Variants in GRIN2A observed in about 807,000 individuals in gnomAD.
GRIN2A encodes glutamate ionotropic receptor NMDA type subunit 2A, also known as glutamate receptor ionotropic, NMDA 2A.
Under a neutral mutation model 113.4 loss-of-function variants are expected in GRIN2A, and 22 were observed. The ratio of observed to expected loss-of-function variants is 0.19; its 90% CI spans 0.14 to 0.28. The LOEUF (loss-of-function observed/expected upper bound fraction) is 0.28. GRIN2A is among the 10% of genes least tolerant of loss of function. The probability of loss-of-function intolerance (pLI) is 1.00; values close to 1 mark genes in which losing one functional copy is unlikely to be tolerated. For missense variants in GRIN2A, 1,502 were observed against 1,887.0 expected, an observed-to-expected ratio of 0.80 and a Z score of 3.78; for synonymous variants, 827 against 738.4, an observed-to-expected ratio of 1.12 and a Z score of -1.94.
chr16:9,887,464 T>G (rs1411622556), intron 4 of GRIN2A, among the ~76,000 whole-genome samples: 2 of 152,210 alleles, frequency 1.3e-5, no homozygotes, highest in African/African-American at 4.8e-5. Context: ...ATATAATCTT[T>G]CGTGTCTTTC....
intron 2 of GRIN2A, among the ~76,000 whole-genome samples, chr16:10,159,979 A>C (rs1302010001): frequency 6.6e-6 from 1 of 152,208 alleles, no homozygotes; most frequent in Non-Finnish European, 1.5e-5. Context: ...TCTGGAAGCT[A>C]GTAAAGGAAA....
chr16:10,089,529 G>A (rs961126506), intron 2 of GRIN2A, among the ~76,000 whole-genome samples: 2 of 152,090 alleles, frequency 1.3e-5, no homozygotes, highest in African/African-American at 4.8e-5. Context: ...TTTTTCTAAG[G>A]AGTAATGATG....
intron 2 of GRIN2A, among the ~76,000 whole-genome samples, chr16:10,071,031 C>T (rs901197795): frequency 6.6e-6 from 1 of 152,106 alleles, no homozygotes; most frequent in Non-Finnish European, 1.5e-5. Context: ...TAATGACTAC[C>T]ATTTCTCCAA....
chr16:10,020,482 C>A (rs17569940), intron 2 of GRIN2A, among the ~76,000 whole-genome samples: 1 of 152,066 alleles, frequency 6.6e-6, no homozygotes, highest in Admixed American at 6.5e-5. Flanking sequence ...GAGTTCTGCA[C>A]GTTATTATTT....
At chr16:10,125,588 C>A (rs2048915791) in intron 2 of GRIN2A, among the ~76,000 whole-genome samples, 1 of 144,196 alleles carries the variant, frequency 6.9e-6, no homozygotes, top group African/African-American at 2.6e-5. Flanking sequence ...GAGAGCAAAG[C>A]AATGGAGCTA....
intron 4 of GRIN2A, among the ~76,000 whole-genome samples, chr16:9,877,991 G>C (rs1302279278): frequency 6.6e-6 from 1 of 151,660 alleles, no homozygotes; most frequent in African/African-American, 2.4e-5. Flanking sequence ...CTATTCAGGA[G>C]TTTCTAGAAA....
intron 3 of GRIN2A, among the ~76,000 whole-genome samples, chr16:9,917,925 A>G (rs2044282597): frequency 6.6e-6 from 1 of 152,190 alleles, no homozygotes; most frequent in Non-Finnish European, 1.5e-5. Context: ...ATAATGAAAC[A>G]TACTTAATTA....
chr16:10,020,945 C>G (rs2046708998), intron 2 of GRIN2A, among the ~76,000 whole-genome samples: 1 of 152,334 alleles, frequency 6.6e-6, no homozygotes, highest in South Asian at 2.1e-4. Flanking sequence ...CTTCTCCAGC[C>G]TGTGCATGAT....
Position 9,937,988 on chromosome 16 carries a change from C to G in GRIN2A, c.978G>C (p.Arg326Ser). Residue 326 changes from arginine to serine, a missense_variant, in exon 3 of 13, where the codon AGG (arginine) becomes AGC (serine). By Grantham distance (110) the Arg-to-Ser change is moderately radical. Coordinates refer to ENST00000330684, the MANE Select transcript of GRIN2A (RefSeq NM_001134407.3). ...AKASCYGQME[R>S]PEVPMHTLHP... ...GCAAGGTGTGCATCGGGACCTCTGG[C>G]CTCTCCATCTGCCCGTAGCAGCTGG... 1 of 1,613,932 alleles carries G rather than the reference C, an allele frequency of 6.2e-7. No individual in the cohort carries two copies. Among genetic ancestry groups the G allele is most frequent in the Non-Finnish European group, 8.5e-7 (1 of 1,179,876 alleles).
At position 10,076,015 on chromosome 16, in the gene GRIN2A, T is replaced by C. The variant is rs2047865697; in HGVS notation, c.414+103983A>G. On this transcript the variant is annotated intron_variant, in intron 2 of 12. Transcript: ENST00000330684. ...CCTTTTTCAATGCAAGGAAGTTCAT[T>C]CCGAGACCCATCTGCAAGAGTGAAA... Among the ~76,000 whole-genome samples the C allele has an allele frequency of 2.0e-5, 3 of 152,246 alleles. No individual in the cohort carries two copies. In the South Asian group the frequency reaches 6.2e-4, roughly 32 times the overall value.
At chr16:9,967,297 T>G (rs544730663) in intron 2 of GRIN2A, among the ~76,000 whole-genome samples, 9 of 152,276 alleles carry the variant, frequency 5.9e-5, no homozygotes, top group Admixed American at 2.0e-4. Context: ...TGCAGCAACT[T>G]AGATGAAGCT....
chr16:9,905,218 G>A (rs1171624341), intron 3 of GRIN2A, among the ~76,000 whole-genome samples: 2 of 152,174 alleles, frequency 1.3e-5, no homozygotes, highest in African/African-American at 4.8e-5. Context: ...CAGATCCTAT[G>A]CAAATAATTA....
Position 9,840,957 on chromosome 16 carries a change from C to T in GRIN2A, c.1476G>A (p.Val492=), listed in dbSNP as rs1347544821. ...NGKHGKKVNN[V]WNGMIGEVVY... The stretch of plus-strand genomic sequence containing the variant: ...TTACTTCACCGATCATTCCATTCCA[C>T]ACATTGTTAACTTTCTTGCCATGCT... The change falls in exon 6 of 13, where the codon GTG becomes GTA. Residue 492 remains valine, a synonymous_variant. Coordinates refer to ENST00000330684, the MANE Select transcript of GRIN2A (RefSeq NM_001134407.3). 9 of 1,613,882 alleles carry T rather than the reference C, an allele frequency of 5.6e-6. No homozygotes were observed. In the African/African-American group the frequency reaches 9.3e-5, roughly 17 times the overall value.
rs796052554 is a variant in GRIN2A, at chr16:9,764,460, C to A, written c.3084G>T (p.Gln1028His). 2 of 1,613,978 alleles carry A rather than the reference C, an allele frequency of 1.2e-6. No individual in the cohort carries two copies. Among genetic ancestry groups the A allele is most frequent in the African/African-American group, 1.3e-5 (1 of 74,900 alleles). ...VDSIRQDSLS[Q>H]NPVSQRDEAT... ...CCTCATCCCTCTGGGAGACTGGATT[C>A]TGGGATAGTGAATCCTGGCGTATGG... The change falls in exon 13 of 13, where the codon CAG becomes CAT. Residue 1028 changes from glutamine to histidine, a missense_variant. This residue lies in a region of GRIN2A where 832 missense variants were observed against 789.7 expected (regional missense o/e 1.05). Coordinates refer to ENST00000330684, the MANE Select transcript of GRIN2A (RefSeq NM_001134407.3).
intron 2 of GRIN2A, among the ~76,000 whole-genome samples, chr16:10,097,557 G>C (rs1329310783): frequency 6.6e-6 from 1 of 152,160 alleles, no homozygotes; most frequent in African/African-American, 2.4e-5. Context: ...TGGTCCCTAA[G>C]CCTTCCTGAA....
chr16:10,103,633 A>C (rs944800467), intron 2 of GRIN2A, among the ~76,000 whole-genome samples: 2 of 152,188 alleles, frequency 1.3e-5, no homozygotes, highest in African/African-American at 4.8e-5. Context: ...TAACCTCAGA[A>C]AATCTACAAA....
At chr16:9,779,963 G>T (rs1406569014) in intron 11 of GRIN2A, among the ~76,000 whole-genome samples, 3 of 152,198 alleles carry the variant, frequency 2.0e-5, no homozygotes, top group Non-Finnish European at 2.9e-5. Context: ...CTGAGGTCAG[G>T]TTACATGAAC....
At chr16:9,883,308 A>T (rs2043521069) in intron 4 of GRIN2A, among the ~76,000 whole-genome samples, 1 of 152,230 alleles carries the variant, frequency 6.6e-6, no homozygotes, top group Admixed American at 6.5e-5. Flanking sequence ...CACTAGGCCC[A>T]AACCCTTGTG....
intron 2 of GRIN2A, among the ~76,000 whole-genome samples, chr16:10,026,780 T>G (rs2046830896): frequency 6.6e-6 from 1 of 152,158 alleles, no homozygotes; most frequent in African/African-American, 2.4e-5. Flanking sequence ...TGCTTTTCTC[T>G]CACTTCCTCC....
Sources: gnomAD v4.1 joint callset for allele counts (sites outside exome capture counted in the v4.1 genomes callset) on GRCh38, gnomAD v4.1.1 for gene constraint, gnomAD v4.1.1 regional missense constraint, MANE v1.5 for transcripts, NCBI Gene and HGNC (gene_info 2026-07-23, HGNC 2026-07-21) for gene names.